DRC8: variants seen among roughly 807,000 people sequenced by gnomAD.
DRC8 encodes dynein regulatory complex subunit 8.
At chr1:245,067,345 A>T in the DRC8 span, among the ~76,000 whole-genome samples, 1 of 152,082 alleles carries the variant, frequency 6.6e-6, no homozygotes, top group Admixed American at 6.6e-5. Context: ...GTCCCTACTC[A>T]TTTCGCTAAG....
At chr1:244,985,463 A>G in the DRC8 span, among the ~76,000 whole-genome samples, 2 of 152,334 alleles carry the variant, frequency 1.3e-5, no homozygotes, top group South Asian at 4.1e-4. Flanking sequence ...AAATGTTATG[A>G]GTCCTTACTT....
chr1:245,099,615 G>C, the DRC8 span, among the ~76,000 whole-genome samples: 10 of 152,206 alleles, frequency 6.6e-5, no homozygotes, highest in African/African-American at 2.4e-4. Context: ...TGAAAACAAA[G>C]GCCTATTAAT....
chr1:245,012,235 G>T, the DRC8 span, among the ~76,000 whole-genome samples: 1 of 151,844 alleles, frequency 6.6e-6, no homozygotes, highest in East Asian at 1.9e-4. Flanking sequence ...CTTTAGAGAT[G>T]GAAGGATAAA....
the DRC8 span, among the ~76,000 whole-genome samples, chr1:245,057,934 GTCC>G: frequency 5.3e-5 from 8 of 151,888 alleles, no homozygotes; most frequent in Non-Finnish European, 1.2e-4. Context: ...ATATCTCTTT[GTCC>G]TCCTTCTCCT....
chr1:245,007,006 A>G, the DRC8 span, among the ~76,000 whole-genome samples: 29 of 152,342 alleles, frequency 1.9e-4, no homozygotes, highest in South Asian at 6.2e-4. Flanking sequence ...TTGATGATCA[A>G]ATAGAATTAG....
At chr1:245,107,749 A>C in the DRC8 span, among the ~76,000 whole-genome samples, 1 of 152,014 alleles carries the variant, frequency 6.6e-6, no homozygotes, top group African/African-American at 2.4e-5. Flanking sequence ...CGGGCTCCTA[A>C]AGCAGCCCCT....
At chr1:244,972,031 G>T in the DRC8 span, among the ~76,000 whole-genome samples, 1 of 142,834 alleles carries the variant, frequency 7.0e-6, no homozygotes, top group Non-Finnish European at 1.5e-5. Flanking sequence ...TCTTAAAAAA[G>T]ACTTGGTTAG....
chr1:245,104,809 C>T, the DRC8 span, among the ~76,000 whole-genome samples: 1 of 152,342 alleles, frequency 6.6e-6, no homozygotes, highest in South Asian at 2.1e-4. Flanking sequence ...TCTGTAATGT[C>T]CGATATGCAA....
At chr1:245,070,952 T>C in the DRC8 span, among the ~76,000 whole-genome samples, 1 of 152,210 alleles carries the variant, frequency 6.6e-6, no homozygotes, top group Non-Finnish European at 1.5e-5. Flanking sequence ...GACACAGTGC[T>C]CATCCCCTCT....
At chr1:245,112,590 A>G in the DRC8 span, among the ~76,000 whole-genome samples, 1 of 152,204 alleles carries the variant, frequency 6.6e-6, no homozygotes, top group Non-Finnish European at 1.5e-5. Flanking sequence ...AATATACATA[A>G]CATCAAGTTT....
the DRC8 span, among the ~76,000 whole-genome samples, chr1:245,021,754 G>A: frequency 2.6e-5 from 4 of 151,976 alleles, no homozygotes; most frequent in Non-Finnish European, 5.9e-5. Context: ...TGTTCTTAAA[G>A]TAAATAACTC....
chr1:245,086,551 A>G, the DRC8 span, among the ~76,000 whole-genome samples: 1 of 152,366 alleles, frequency 6.6e-6, no homozygotes, highest in East Asian at 1.9e-4. Context: ...AAGTTCCTAC[A>G]AGATAGAAGT....
the DRC8 span, chr1:245,083,818 AT>A: frequency 4.4e-6 from 6 of 1,365,368 alleles, no homozygotes; most frequent in Non-Finnish European, 5.8e-6. Context: ...TGTTCCTGCT[AT>A]TTTGGCTTGG....
chr1:244,990,597 T>A, the DRC8 span, among the ~76,000 whole-genome samples: 1 of 152,180 alleles, frequency 6.6e-6, no homozygotes, highest in Admixed American at 6.5e-5. Context: ...CATTGGAAGC[T>A]CTTTTCGCTG....
chr1:245,124,861 C>G, the DRC8 span: 2 of 152,256 alleles, frequency 1.3e-5, no homozygotes, highest in Non-Finnish European at 2.9e-5. Flanking sequence ...TCTCCACTCC[C>G]AAACCCTTAA....
the DRC8 span, among the ~76,000 whole-genome samples, chr1:245,111,314 G>C: frequency 6.6e-6 from 1 of 152,178 alleles, no homozygotes; most frequent in Admixed American, 6.5e-5. Context: ...AGGGACAGCA[G>C]CACTCCCAGC....
chr1:245,016,242 A>C, the DRC8 span, among the ~76,000 whole-genome samples: 1 of 152,280 alleles, frequency 6.6e-6, no homozygotes, highest in Middle Eastern at 3.4e-3. Flanking sequence ...CGGCCTCCCG[A>C]AGTGCTGGGA....
At chr1:244,992,469 T>C in the DRC8 span, among the ~76,000 whole-genome samples, 2 of 152,202 alleles carry the variant, frequency 1.3e-5, no homozygotes, top group African/African-American at 4.8e-5. Context: ...CTGGGCGCAG[T>C]GGCTCACTCC....
the DRC8 span, among the ~76,000 whole-genome samples, chr1:244,980,142 C>G: frequency 6.8e-6 from 1 of 147,840 alleles, no homozygotes; most frequent in South Asian, 2.1e-4. Context: ...TGGCGTGGAC[C>G]CAGGAGGTGG....
Sources: gnomAD v4.1 joint callset for allele counts (sites outside exome capture counted in the v4.1 genomes callset) on GRCh38, gnomAD v4.1.1 for gene constraint, MANE v1.5 for transcripts, NCBI Gene and HGNC (gene_info 2026-07-23, HGNC 2026-07-21) for gene names.